The following SLC30A8 variants were observed in gnomAD, a reference collection of about 807,000 sequenced individuals.
SLC30A8 encodes solute carrier family 30 member 8.
SLC30A8 carries 27 observed loss-of-function variants against 36.9 expected under a neutral mutation model. That is an observed-to-expected ratio of 0.73 (90% CI 0.54 to 1.01). SLC30A8 has a LOEUF of 1.01. Among genes scored for constraint, SLC30A8 ranks in the 50% least tolerant of loss-of-function variants. The pLI is 0.00. For synonymous variants in SLC30A8, 164 were observed against 172.4 expected, an observed-to-expected ratio of 0.95 and a Z score of 0.38; for missense variants, 439 against 452.0, an observed-to-expected ratio of 0.97 and a Z score of 0.26.
intron 1 of SLC30A8, among the ~76,000 whole-genome samples, chr8:117,021,117 C>T (rs1816683189): frequency 6.6e-6 from 1 of 152,064 alleles, no homozygotes; most frequent in Non-Finnish European, 1.5e-5. Context: ...TAAACAGTTA[C>T]CTTTTAAATG....
intron 2 of SLC30A8, among the ~76,000 whole-genome samples, chr8:117,057,613 A>C (rs1354861772): frequency 6.6e-6 from 1 of 152,314 alleles, no homozygotes. Context: ...GTGAAATAAC[A>C]TACAGTATTT....
intron 2 of SLC30A8, among the ~76,000 whole-genome samples, chr8:117,122,797 G>A (rs997180088): frequency 6.6e-6 from 1 of 151,890 alleles, no homozygotes; most frequent in Non-Finnish European, 1.5e-5. Context: ...TTGGTGTCCT[G>A]GTTGAAGACC....
chr8:117,110,261 A>T (rs1359391661), intron 2 of SLC30A8, among the ~76,000 whole-genome samples: 3 of 126,742 alleles, frequency 2.4e-5, no homozygotes, highest in South Asian at 2.4e-4. Context: ...AACATTACTT[A>T]AAAAAAAAAA....
intron 1 of SLC30A8, among the ~76,000 whole-genome samples, chr8:116,999,360 C>T (rs1195838915): frequency 2.6e-5 from 4 of 151,978 alleles, no homozygotes; most frequent in Non-Finnish European, 2.9e-5. Flanking sequence ...GTAAAGGCAA[C>T]GATAGAGGAA....
chr8:117,073,302 G>C (rs1162762960), intron 2 of SLC30A8, among the ~76,000 whole-genome samples: 1 of 151,022 alleles, frequency 6.6e-6, no homozygotes, highest in Non-Finnish European at 1.5e-5. Context: ...TGTCACCCAG[G>C]CTGGAGTGCA....
At chr8:117,056,676 C>T (rs1240509698) in intron 2 of SLC30A8, among the ~76,000 whole-genome samples, 6 of 152,172 alleles carry the variant, frequency 3.9e-5, no homozygotes, top group Non-Finnish European at 7.3e-5. Context: ...CAAATTCACA[C>T]ATATTTTTTG....
intron 1 of SLC30A8, among the ~76,000 whole-genome samples, chr8:117,014,669 A>G (rs1007437591): frequency 4.6e-4 from 70 of 152,182 alleles, no homozygotes; most frequent in Admixed American, 2.3e-3. Flanking sequence ...TTCCTTTCTC[A>G]GGGAACTGAT....
At chr8:117,069,633 C>T (rs182878407) in intron 2 of SLC30A8, among the ~76,000 whole-genome samples, 1 of 152,190 alleles carries the variant, frequency 6.6e-6, no homozygotes, top group Non-Finnish European at 1.5e-5. Flanking sequence ...AACTTAAATA[C>T]ATTTTATTAT....
At chr8:117,134,743 T>G (rs1190653513), upstream of SLC30A8, 2 of 152,046 alleles carry the variant, frequency 1.3e-5, no homozygotes, top group Non-Finnish European at 2.9e-5. Context: ...TTTCAGAAAC[T>G]ATTGACCCTT....
chr8:117,094,108 G>A (rs527572589), intron 2 of SLC30A8, among the ~76,000 whole-genome samples: 1 of 152,366 alleles, frequency 6.6e-6, no homozygotes, highest in African/African-American at 2.4e-5. Flanking sequence ...CCCTGACTAA[G>A]GGAGCCCCTA....
At chr8:117,086,759 A>G (rs883906) in intron 2 of SLC30A8, among the ~76,000 whole-genome samples, 5,008 of 152,316 alleles carry the variant, frequency 0.033, 193 homozygotes, top group African/African-American at 0.097. Context: ...CATTGTGTTG[A>G]TCAAGGCAAG....
At chr8:117,061,930 G>A (rs562381829) in intron 2 of SLC30A8, among the ~76,000 whole-genome samples, 4 of 152,310 alleles carry the variant, frequency 2.6e-5, no homozygotes, top group Non-Finnish European at 4.4e-5. Flanking sequence ...ATCACAGAGA[G>A]GAATAGGGCA....
intron 1 of SLC30A8, among the ~76,000 whole-genome samples, chr8:117,135,725 AATTTT>A (rs1821331158): frequency 6.6e-6 from 1 of 151,844 alleles, no homozygotes; most frequent in Admixed American, 6.6e-5. Flanking sequence ...ATAGATAGTA[AATTTT>A]ATTATATTAT....
chr8:117,068,864 A>C (rs1241844623), intron 2 of SLC30A8, among the ~76,000 whole-genome samples: 4 of 152,202 alleles, frequency 2.6e-5, no homozygotes, highest in African/African-American at 9.6e-5. Flanking sequence ...GGCGCGAGCC[A>C]CTACATGTGG....
intron 2 of SLC30A8, among the ~76,000 whole-genome samples, chr8:117,124,130 C>T (rs1215340516): frequency 6.6e-6 from 1 of 151,928 alleles, no homozygotes; most frequent in Non-Finnish European, 1.5e-5. Context: ...AGTGCCTTTT[C>T]ATGTATTGAG....
At chr8:117,091,974 C>T (rs1009176167) in intron 2 of SLC30A8, among the ~76,000 whole-genome samples, 2 of 152,106 alleles carry the variant, frequency 1.3e-5, no homozygotes, top group African/African-American at 2.4e-5. Flanking sequence ...ACCAAGGAAT[C>T]CCATCATGTC....
intron 2 of SLC30A8, among the ~76,000 whole-genome samples, chr8:117,067,092 G>A (rs1818191601): frequency 6.6e-6 from 1 of 152,006 alleles, no homozygotes; most frequent in African/African-American, 2.4e-5. Flanking sequence ...CTGAGTAAAG[G>A]GGGAAAAACC....
intron 1 of SLC30A8, among the ~76,000 whole-genome samples, chr8:117,002,499 A>T (rs1019181414): frequency 6.6e-6 from 1 of 151,952 alleles, no homozygotes. Context: ...TTAAAAATAC[A>T]TTTTTTTTCA....
intron 2 of SLC30A8, among the ~76,000 whole-genome samples, chr8:117,087,533 C>CT (rs928605478): frequency 3.3e-5 from 5 of 151,382 alleles, no homozygotes; most frequent in Non-Finnish European, 5.9e-5. Context: ...CTGGCTTCGT[C>CT]TTTTTTTTTC....
Sources: allele counts gnomAD v4.1 joint callset (sites outside exome capture counted in the v4.1 genomes callset), GRCh38; gene constraint gnomAD v4.1.1; transcripts MANE v1.5; gene names NCBI Gene and HGNC (gene_info 2026-07-23, HGNC 2026-07-21).